SAMTOR: variants seen among roughly 807,000 people sequenced by gnomAD.
The protein encoded by SAMTOR is UPF0532 protein C7orf60.
the SAMTOR span, among the ~76,000 whole-genome samples, chr7:112,871,938 T>C: frequency 1.3e-5 from 2 of 152,130 alleles, no homozygotes; most frequent in Non-Finnish European, 2.9e-5. Context: ...AAAGATTAAA[T>C]TGGGAAGAAA....
chr7:112,925,016 C>T, the SAMTOR span, among the ~76,000 whole-genome samples: 4 of 152,148 alleles, frequency 2.6e-5, no homozygotes, highest in South Asian at 2.1e-4. Context: ...TACCACATAC[C>T]GAAGTTCATT....
chr7:112,840,694 A>G, the SAMTOR span, among the ~76,000 whole-genome samples: 1 of 151,856 alleles, frequency 6.6e-6, no homozygotes, highest in Non-Finnish European at 1.5e-5. Context: ...TGGCTTTCCA[A>G]ATGGCTAGTC....
chr7:112,936,913 A>T, the SAMTOR span, among the ~76,000 whole-genome samples: 1 of 152,266 alleles, frequency 6.6e-6, no homozygotes, highest in Non-Finnish European at 1.5e-5. Context: ...CTCCTATTCT[A>T]ACATTTGGAG....
At chr7:112,858,301 C>T in the SAMTOR span, among the ~76,000 whole-genome samples, 1 of 151,322 alleles carries the variant, frequency 6.6e-6, no homozygotes, top group Non-Finnish European at 1.5e-5. Flanking sequence ...GAAACAAAGA[C>T]ATGAAGCATG....
the SAMTOR span, among the ~76,000 whole-genome samples, chr7:112,894,209 A>G: frequency 2.0e-5 from 3 of 150,902 alleles, no homozygotes; most frequent in East Asian, 4.0e-4. Flanking sequence ...GTGGGGAGAG[A>G]GGAGAGGGGA....
chr7:112,819,448 T>A, the SAMTOR span: 1 of 152,186 alleles, frequency 6.6e-6, no homozygotes, highest in Non-Finnish European at 1.5e-5. Flanking sequence ...CCTATTAACT[T>A]CCACTTGTTA....
the SAMTOR span, among the ~76,000 whole-genome samples, chr7:112,829,841 T>C: frequency 6.6e-6 from 1 of 152,174 alleles, no homozygotes; most frequent in Non-Finnish European, 1.5e-5. Context: ...GTATGGCTGA[T>C]GGGAACAGGT....
the SAMTOR span, among the ~76,000 whole-genome samples, chr7:112,908,593 T>G: frequency 2.0e-5 from 3 of 152,266 alleles, no homozygotes; most frequent in African/African-American, 7.2e-5. Context: ...ATTCTCATAT[T>G]AAGTAAAAAA....
chr7:112,912,939 AG>A, the SAMTOR span, among the ~76,000 whole-genome samples: 2 of 152,310 alleles, frequency 1.3e-5, no homozygotes, highest in Admixed American at 6.5e-5. Context: ...ATACAGTTTG[AG>A]GGCCTGCCTG....
the SAMTOR span, among the ~76,000 whole-genome samples, chr7:112,861,574 T>C: frequency 2.0e-5 from 3 of 152,228 alleles, no homozygotes; most frequent in Non-Finnish European, 4.4e-5. Flanking sequence ...GAATTATTTA[T>C]TGCTTTTCTC....
At chr7:112,903,416 G>C in the SAMTOR span, among the ~76,000 whole-genome samples, 1 of 151,332 alleles carries the variant, frequency 6.6e-6, no homozygotes, top group South Asian at 2.1e-4. Flanking sequence ...TAAGTGCAAT[G>C]AGTTATCCCT....
the SAMTOR span, chr7:112,915,339 C>T: frequency 1.9e-6 from 3 of 1,612,894 alleles, no homozygotes; most frequent in Non-Finnish European, 2.5e-6. Context: ...TTCGCCCTCA[C>T]AAGTTTTTGC....
the SAMTOR span, among the ~76,000 whole-genome samples, chr7:112,895,924 A>G: frequency 2.6e-5 from 4 of 152,348 alleles, no homozygotes; most frequent in African/African-American, 9.6e-5. Flanking sequence ...ATTACTATAC[A>G]ATAAAGAATG....
the SAMTOR span, among the ~76,000 whole-genome samples, chr7:112,840,346 T>G: frequency 2.0e-5 from 3 of 151,910 alleles, no homozygotes; most frequent in African/African-American, 7.2e-5. Context: ...CATAAATTAG[T>G]CATTTTGTGT....
chr7:112,841,787 A>G, the SAMTOR span, among the ~76,000 whole-genome samples: 8 of 152,108 alleles, frequency 5.3e-5, no homozygotes, highest in African/African-American at 9.7e-5. Flanking sequence ...ATCTACAACC[A>G]TCTGATCTTT....
the SAMTOR span, among the ~76,000 whole-genome samples, chr7:112,916,685 C>G: frequency 6.6e-6 from 1 of 152,130 alleles, no homozygotes; most frequent in Non-Finnish European, 1.5e-5. Flanking sequence ...GTTCCCTTTC[C>G]TAGTCAAAGA....
At chr7:112,904,659 A>C in the SAMTOR span, among the ~76,000 whole-genome samples, 2 of 152,324 alleles carry the variant, frequency 1.3e-5, no homozygotes, top group East Asian at 3.9e-4. Context: ...AGTGCCAACA[A>C]ATACACAAAA....
the SAMTOR span, among the ~76,000 whole-genome samples, chr7:112,863,051 C>G: frequency 6.6e-6 from 1 of 151,986 alleles, no homozygotes; most frequent in Non-Finnish European, 1.5e-5. Context: ...CTACAGTATC[C>G]AAAACAGCAT....
chr7:112,911,248 A>G, the SAMTOR span, among the ~76,000 whole-genome samples: 2 of 152,146 alleles, frequency 1.3e-5, no homozygotes, highest in African/African-American at 4.8e-5. Flanking sequence ...TGCGAGTGGA[A>G]CTAAAAAGCA....
Sources: allele counts gnomAD v4.1 joint callset (sites outside exome capture counted in the v4.1 genomes callset), GRCh38; gene constraint gnomAD v4.1.1; transcripts MANE v1.5; gene names NCBI Gene and HGNC (gene_info 2026-07-23, HGNC 2026-07-21).